The following IFT52 variants were observed in gnomAD, a reference collection of about 807,000 sequenced individuals.
IFT52 encodes the protein intraflagellar transport 52.
In IFT52, 44 loss-of-function variants were observed where a neutral mutation model predicts 54.4. The ratio of observed to expected loss-of-function variants is 0.81; its 90% CI spans 0.63 to 1.04. The LOEUF (loss-of-function observed/expected upper bound fraction) is 1.04. IFT52 is among the 50% of genes least tolerant of loss of function. IFT52 has a pLI of 0.00. For synonymous variants in IFT52, 181 were observed against 185.3 expected (o/e 0.98, Z 0.19); for missense variants, 452 against 523.6 (o/e 0.86, Z 1.33).
chr20:43,614,597 A>G (rs1234019293), intron 7 of IFT52, among the ~76,000 whole-genome samples: 1 of 151,358 alleles, frequency 6.6e-6, no homozygotes, highest in African/African-American at 2.4e-5. Context: ...GTCTGTGACT[A>G]TGGGCTGTCA....
chr20:43,594,714 C>T lies in IFT52; in HGVS notation c.16C>T (p.Arg6Trp), dbSNP rs148888998. 40 of 1,597,458 alleles carry T rather than the reference C, an allele frequency of 2.5e-5. No individual in the cohort carries two copies. The highest frequency in any genetic ancestry group is 3.3e-5 in the Admixed American group (2 of 59,936). The change falls in exon 2 of 14, where the codon CGG becomes TGG. Residue 6 changes from arginine (R) to tryptophan (W), a missense_variant. Transcript: ENST00000373030. Reference sequence around the variant, plus strand: ...TAAGGTAACCATGGAGAAAGAGCTGCGGAGCACCATTCTTTTCAATGCCTA... The same window carrying T: ...TAAGGTAACCATGGAGAAAGAGCTGTGGAGCACCATTCTTTTCAATGCCTA... MEKEL[R>W]STILFNAYKK...
At chr20:43,641,443 G>A (rs1315513818) in intron 12 of IFT52, among the ~76,000 whole-genome samples, 3 of 151,620 alleles carry the variant, frequency 2.0e-5, no homozygotes, top group Non-Finnish European at 4.4e-5. Context: ...TCTCCATGTT[G>A]GTCAGGCTGG....
At chr20:43,598,229 A>G (rs1982154937) in intron 3 of IFT52, among the ~76,000 whole-genome samples, 1 of 152,210 alleles carries the variant, frequency 6.6e-6, no homozygotes, top group Non-Finnish European at 1.5e-5. Context: ...TGCAAGCATG[A>G]GGTACGTAGA....
intron 7 of IFT52, among the ~76,000 whole-genome samples, chr20:43,617,070 G>A (rs1983914296): frequency 1.3e-5 from 2 of 152,222 alleles, no homozygotes; most frequent in Admixed American, 6.6e-5. Flanking sequence ...TGTGTTGGAA[G>A]CATTTTCCCA....
intron 6 of IFT52, 136 bp downstream of exon 6, chr20:43,605,209 T>C (rs1982766429): frequency 6.9e-7 from 1 of 1,457,894 alleles, no homozygotes; most frequent in South Asian, 1.3e-5. Context: ...AAGTAGAAGC[T>C]CTGCACTGTA....
intron 8 of IFT52, among the ~76,000 whole-genome samples, chr20:43,620,037 C>A (rs1288363154): frequency 6.6e-6 from 1 of 151,274 alleles, no homozygotes; most frequent in African/African-American, 2.4e-5. Flanking sequence ...CTGCCTCAGC[C>A]TCCTGAGTAG....
intron 9 of IFT52, among the ~76,000 whole-genome samples, chr20:43,622,353 CT>C (rs1984365341): frequency 6.6e-6 from 1 of 152,054 alleles, no homozygotes; most frequent in Non-Finnish European, 1.5e-5. Context: ...AATCCCAGCA[CT>C]TTGGGAGGCC....
At chr20:43,624,487 C>T (rs575198228) in intron 10 of IFT52, among the ~76,000 whole-genome samples, 2 of 152,264 alleles carry the variant, frequency 1.3e-5, no homozygotes, top group African/African-American at 4.8e-5. Flanking sequence ...TGGGCACTCT[C>T]AGTCTAGTGC....
intron 10 of IFT52, among the ~76,000 whole-genome samples, chr20:43,628,818 T>G (rs1253287511): frequency 6.6e-6 from 1 of 151,132 alleles, no homozygotes; most frequent in African/African-American, 2.4e-5. Flanking sequence ...GCCACTGCAT[T>G]CCAGCCTGGG....
intron 13 of IFT52, among the ~76,000 whole-genome samples, chr20:43,643,303 T>C (rs1986056157): frequency 2.2e-5 from 1 of 45,582 alleles, no homozygotes; most frequent in African/African-American, 6.4e-5. Flanking sequence ...CTGGCGAACA[T>C]GGTGAAACTC....
At chr20:43,607,771 G>A (rs923352023) in intron 6 of IFT52, among the ~76,000 whole-genome samples, 4 of 152,022 alleles carry the variant, frequency 2.6e-5, no homozygotes, top group South Asian at 2.1e-4. Context: ...CTGCACTCTC[G>A]GCACTTTGGG....
At position 43,647,218 on chromosome 20, in the gene IFT52, C is replaced by A. The variant is rs935436236; in HGVS notation, c.*235C>A. ...GTATGGTTGCATCTGTCTTTTTATA[C>A]CCTATGAAACAGTCTTGATTTTTTT... is the stretch of plus-strand genomic sequence containing the variant. On this transcript the variant is annotated 3_prime_UTR_variant, in exon 14 of 14. Coordinates refer to ENST00000373030, the MANE Select transcript of IFT52 (RefSeq NM_016004.5). 54 of 535,048 alleles carry A rather than the reference C, an allele frequency of 1.0e-4. 1 individual carries two copies. The highest frequency in any genetic ancestry group is 1.7e-4 in the Non-Finnish European group (51 of 303,848). The allele number at this position is 535,048 out of a possible 1,614,324, so 33.1% of individuals were successfully genotyped here. A position where few individuals can be genotyped will look rare whatever the true frequency, so the allele number is the denominator to read the frequency against.
Position 43,613,909 on chromosome 20 carries a change from C to G in IFT52, c.545C>G (p.Ala182Gly). The change falls in exon 7 of 14, where the codon GCG becomes GGG. Residue 182 changes from alanine (A) to glycine (G), a missense_variant. Physicochemically the swap from Ala to Gly is moderately conservative, Grantham distance 60. Transcript: ENST00000373030. ...ATLSVMKPAVAVLSTGSVCFP... is the reference protein window; with the variant it reads ...ATLSVMKPAVGVLSTGSVCFP... ...TTGAGTGTCATGAAACCAGCAGTGG[C>G]GGTTCTGTCTACAGGTTCTGTCTGC... The G allele has an allele frequency of 2.5e-6, 4 of 1,613,740 alleles. No individual in the cohort carries two copies. Among genetic ancestry groups the G allele is most frequent in the Non-Finnish European group, 2.5e-6 (3 of 1,179,640 alleles).
intron 3 of IFT52, among the ~76,000 whole-genome samples, chr20:43,598,868 G>A (rs1353791073): frequency 1.3e-5 from 2 of 152,054 alleles, no homozygotes; most frequent in East Asian, 1.9e-4. Flanking sequence ...GAGAATATGG[G>A]GAATAGAGAG....
chr20:43,613,793 C>G lies in IFT52; in HGVS notation c.486-57C>G, dbSNP rs946562227. On this transcript the variant is annotated intron_variant, in intron 6 of 13. Transcript: ENST00000373030. Reference sequence around the variant, plus strand: ...ACTCAAGAAACATTGAGATTATTTTCAGAATTTTTGTATTCATGTTTTTAA... The same window carrying G: ...ACTCAAGAAACATTGAGATTATTTTGAGAATTTTTGTATTCATGTTTTTAA... 2.2e-5 allele frequency: 34 copies of G among 1,524,046 alleles called. No homozygotes were observed. The African/African-American group carries it at 4.5e-4, about 20-fold the overall frequency. The allele number at this position is 1,524,046 out of a possible 1,614,324, so 94.4% of individuals were successfully genotyped here. A position where few individuals can be genotyped will look rare whatever the true frequency, so the allele number is the denominator to read the frequency against.
At chr20:43,625,196 G>A (rs964142141) in intron 10 of IFT52, among the ~76,000 whole-genome samples, 7 of 152,008 alleles carry the variant, frequency 4.6e-5, no homozygotes, top group African/African-American at 1.7e-4. Flanking sequence ...GTAGGGGAGT[G>A]CCAGGCACAT....
intron 7 of IFT52, among the ~76,000 whole-genome samples, chr20:43,617,881 G>A (rs1568756455): frequency 6.6e-6 from 1 of 152,112 alleles, no homozygotes; most frequent in African/African-American, 2.4e-5. Context: ...AGCTGTGGGA[G>A]TACAGGTGCG....
intron 1 of IFT52, 105 bp downstream of exon 1, chr20:43,591,159 A>T (rs535299727): frequency 6.6e-6 from 1 of 152,400 alleles, no homozygotes; most frequent in South Asian, 2.1e-4. Flanking sequence ...GTCATAGAAC[A>T]TCCAGGGTCC....
At chr20:43,627,366 TG>T (rs2145648978) in intron 10 of IFT52, among the ~76,000 whole-genome samples, 1 of 152,326 alleles carries the variant, frequency 6.6e-6, no homozygotes, top group African/African-American at 2.4e-5. Context: ...AATTTATCAT[TG>T]GATTTAGCAA....
Sources: gnomAD v4.1 joint callset for allele counts (sites outside exome capture counted in the v4.1 genomes callset) on GRCh38, gnomAD v4.1.1 for gene constraint, MANE v1.5 for transcripts, NCBI Gene and HGNC (gene_info 2026-07-23, HGNC 2026-07-21) for gene names.